GRM1: variants seen among roughly 807,000 people sequenced by gnomAD.
GRM1 encodes the protein glutamate metabotropic receptor 1.
Under a neutral mutation model 90.9 loss-of-function variants are expected in GRM1, and 33 were observed. That is an observed-to-expected ratio of 0.36 (90% confidence interval 0.28 to 0.49). The LOEUF (loss-of-function observed/expected upper bound fraction) is 0.49, where lower values mean the gene tolerates loss of function less well. Ranked by LOEUF, GRM1 falls within the 20% of genes least tolerant of loss-of-function variation. The pLI, the probability that GRM1 is intolerant of heterozygous loss-of-function variation, is 0.99. For synonymous variants in GRM1, 700 were observed against 613.2 expected, an observed-to-expected ratio of 1.14 and a Z score of -2.09; for missense variants, 1,190 against 1,534.3, an observed-to-expected ratio of 0.78 and a Z score of 3.75.
intron 2 of GRM1, among the ~76,000 whole-genome samples, chr6:146,298,549 A>G (rs1037011789): frequency 1.3e-5 from 2 of 152,204 alleles, no homozygotes; most frequent in African/African-American, 2.4e-5. Context: ...CCTGTAGCCA[A>G]CAGTTTGCAA....
intron 2 of GRM1, among the ~76,000 whole-genome samples, chr6:146,220,596 T>C (rs1403201778): frequency 6.6e-6 from 1 of 152,194 alleles, no homozygotes; most frequent in Non-Finnish European, 1.5e-5. Flanking sequence ...TTTTTTAGCA[T>C]CTTCATTAAG....
chr6:146,062,220 A>G (rs891519584), intron 1 of GRM1, among the ~76,000 whole-genome samples: 3 of 152,122 alleles, frequency 2.0e-5, no homozygotes, highest in African/African-American at 7.2e-5. Flanking sequence ...GGAAACCATC[A>G]TTCTCAGCAA....
chr6:146,091,994 GT>G (rs1405415892), intron 1 of GRM1, among the ~76,000 whole-genome samples: 3 of 152,062 alleles, frequency 2.0e-5, no homozygotes, highest in Non-Finnish European at 4.4e-5. Context: ...TAACCAGGCT[GT>G]GAATTTTTCT....
intron 5 of GRM1, among the ~76,000 whole-genome samples, chr6:146,374,699 A>C (rs1776029945): frequency 6.6e-6 from 1 of 152,072 alleles, no homozygotes; most frequent in African/African-American, 2.4e-5. Context: ...GAATTTCTGC[A>C]ATATTAGTTG....
At chr6:146,357,839 A>G in intron 5 of GRM1, 145 bp downstream of exon 5, 1 of 716,624 alleles carries the variant, frequency 1.4e-6, no homozygotes, top group East Asian at 2.7e-5. Context: ...GAGTTTAGGT[A>G]AAACTGAAAA....
At chr6:146,254,236 T>C (rs1388360081) in intron 2 of GRM1, among the ~76,000 whole-genome samples, 1 of 151,956 alleles carries the variant, frequency 6.6e-6, no homozygotes, top group East Asian at 1.9e-4. Context: ...GAGTGTGTGC[T>C]AGCTGTTCCT....
In GRM1 at chr6:146,029,922, T is replaced by C; in HGVS notation, c.405T>C (p.Asp135=). The C allele has an allele frequency of 6.2e-7, 1 of 1,614,088 alleles. No individual in the cohort carries two copies. ...TGATTTCCATTCGAGATGAGAAGGA[T>C]GGGATCAACCGGTGTCTGCCTGACG... The part of the protein sequence containing the change: ...DSLISIRDEK[D]GINRCLPDGQ... The change falls in exon 1 of 8, where the codon GAT becomes GAC. Residue 135 remains aspartate (D), a synonymous_variant. Coordinates refer to ENST00000282753, the MANE Select transcript of GRM1 (RefSeq NM_001278064.2).
chr6:146,029,095 G>C lies in GRM1; in HGVS notation c.-423G>C, dbSNP rs947919104. 4 of 274,230 alleles carry C rather than the reference G, an allele frequency of 1.5e-5. No homozygotes were observed. The highest frequency in any genetic ancestry group is 7.8e-5 in the South Asian group (2 of 25,606). The allele number at this position is 274,230 out of a possible 1,614,324, so 17.0% of individuals were successfully genotyped here. On this transcript the variant is annotated 5_prime_UTR_variant, in exon 1 of 8. Transcript: ENST00000282753. ...CCTGCAGCCGATATCAGGATGTGCCGAAATGAAACGGACAAGGCAACTGTT... is the reference window on the plus strand; with the variant it reads ...CCTGCAGCCGATATCAGGATGTGCCCAAATGAAACGGACAAGGCAACTGTT...
At chr6:146,358,337 A>T (rs1027466997) in intron 5 of GRM1, among the ~76,000 whole-genome samples, 3 of 152,210 alleles carry the variant, frequency 2.0e-5, no homozygotes, top group Non-Finnish European at 4.4e-5. Flanking sequence ...AGGCTTCTTG[A>T]TGAAGAAAGC....
At chr6:146,135,297 A>G (rs942564385) in intron 1 of GRM1, among the ~76,000 whole-genome samples, 9 of 152,198 alleles carry the variant, frequency 5.9e-5, no homozygotes, top group African/African-American at 1.9e-4. Flanking sequence ...GCGCCTGCTT[A>G]TCACCATTCT....
chr6:146,184,646 G>A (rs189585884), intron 2 of GRM1, among the ~76,000 whole-genome samples: 1 of 152,094 alleles, frequency 6.6e-6, no homozygotes, highest in East Asian at 1.9e-4. Context: ...AGTCTGATAG[G>A]CTATGCTATG....
At chr6:146,414,224 G>A (rs771344951) in intron 7 of GRM1, among the ~76,000 whole-genome samples, 1 of 151,942 alleles carries the variant, frequency 6.6e-6, no homozygotes, top group South Asian at 2.1e-4. Flanking sequence ...ACTCTAATGC[G>A]TATGTAGAGG....
chr6:146,372,620 T>G (rs933048033), intron 5 of GRM1, among the ~76,000 whole-genome samples: 1 of 152,168 alleles, frequency 6.6e-6, no homozygotes, highest in African/African-American at 2.4e-5. Context: ...TTAATTGATA[T>G]TTATTTGATT....
chr6:146,427,613 G>C (rs1315044841), intron 7 of GRM1, among the ~76,000 whole-genome samples: 3 of 152,170 alleles, frequency 2.0e-5, no homozygotes, highest in African/African-American at 7.2e-5. Flanking sequence ...TCTGTTGTCT[G>C]CCTTTCTGCT....
chr6:146,051,833 T>TA (rs1775302810), intron 1 of GRM1, among the ~76,000 whole-genome samples: 1 of 152,088 alleles, frequency 6.6e-6, no homozygotes, highest in African/African-American at 2.4e-5. Context: ...CACCCTTATA[T>TA]AATCTTCTTG....
At chr6:146,361,971 G>C (rs139066496) in intron 5 of GRM1, among the ~76,000 whole-genome samples, 60 of 152,320 alleles carry the variant, frequency 3.9e-4, no homozygotes, top group African/African-American at 1.4e-3. Flanking sequence ...TGTGAAGGAG[G>C]CTGGAAGAGT....
chr6:146,348,611 T>A (rs896292507), intron 3 of GRM1, among the ~76,000 whole-genome samples: 1 of 152,242 alleles, frequency 6.6e-6, no homozygotes, highest in Non-Finnish European at 1.5e-5. Context: ...AGCTATTACA[T>A]TGCAAATATT....
intron 1 of GRM1, among the ~76,000 whole-genome samples, chr6:146,154,964 A>G (rs1204467748): frequency 2.6e-5 from 4 of 152,200 alleles, no homozygotes; most frequent in African/African-American, 9.6e-5. Flanking sequence ...TTTGTTTCAT[A>G]TACCTGTTAC....
At chr6:146,261,304 C>T (rs1042116350) in intron 2 of GRM1, among the ~76,000 whole-genome samples, 1 of 152,028 alleles carries the variant, frequency 6.6e-6, no homozygotes, top group Non-Finnish European at 1.5e-5. Flanking sequence ...GACACAGTGA[C>T]ATTGTAAATG....
Sources: allele counts gnomAD v4.1 joint callset (sites outside exome capture counted in the v4.1 genomes callset), GRCh38; gene constraint gnomAD v4.1.1; transcripts MANE v1.5; gene names NCBI Gene and HGNC (gene_info 2026-07-23, HGNC 2026-07-21).